The following MTARC2 variants were observed in gnomAD, a reference collection of about 807,000 sequenced individuals.
MTARC2 encodes the protein mitochondrial amidoxime reducing component 2, also known as MOCO sulphurase C-terminal domain containing 2.
MTARC2 carries 27 observed loss-of-function variants against 35.6 expected under a neutral mutation model. That is an observed-to-expected ratio of 0.76 (90% CI 0.56 to 1.04). The LOEUF is 1.04. MTARC2 is among the 50% of genes least tolerant of loss of function. The pLI is 0.00. For synonymous variants in MTARC2, 158 were observed against 167.1 expected, an observed-to-expected ratio of 0.95 and a Z score of 0.42; for missense variants, 412 against 432.5, an observed-to-expected ratio of 0.95 and a Z score of 0.42.
intron 7 of MTARC2, 98 bp from the exon 8 acceptor site, chr1:220,783,821 G>A: frequency 1.4e-6 from 1 of 713,142 alleles, no homozygotes; most frequent in South Asian, 1.5e-5. Flanking sequence ...ACATTTATAT[G>A]TGTAACCTCA....
intron 2 of MTARC2, among the ~76,000 whole-genome samples, chr1:220,759,927 G>A (rs1572297694): frequency 6.6e-6 from 1 of 152,260 alleles, no homozygotes; most frequent in East Asian, 1.9e-4. Context: ...AGGGTACACA[G>A]GGGTTCATCT....
chr1:220,763,435 C>A (rs1671496167), intron 4 of MTARC2, among the ~76,000 whole-genome samples: 1 of 152,180 alleles, frequency 6.6e-6, no homozygotes, highest in South Asian at 2.1e-4. Flanking sequence ...TTTCAGAAGA[C>A]CCATGCCCCA....
intron 4 of MTARC2, among the ~76,000 whole-genome samples, chr1:220,773,340 G>T (rs770252142): frequency 1.3e-5 from 2 of 152,162 alleles, no homozygotes; most frequent in Non-Finnish European, 2.9e-5. Context: ...ACCCGGAGAG[G>T]GCATGAAAAC....
At chr1:220,778,324 G>A (rs1057429666) in intron 4 of MTARC2, among the ~76,000 whole-genome samples, 10 of 151,956 alleles carry the variant, frequency 6.6e-5, no homozygotes, top group African/African-American at 2.2e-4. Context: ...GATGCATAGC[G>A]GCTTCTGCTT....
At chr1:220,775,392 C>G (rs972459147) in intron 4 of MTARC2, among the ~76,000 whole-genome samples, 2 of 152,128 alleles carry the variant, frequency 1.3e-5, no homozygotes, top group Non-Finnish European at 2.9e-5. Context: ...AAGTAAATGT[C>G]ATTGGGGCCT....
chr1:220,770,061 C>T (rs970285813), intron 4 of MTARC2, among the ~76,000 whole-genome samples: 2 of 151,516 alleles, frequency 1.3e-5, no homozygotes, highest in African/African-American at 2.4e-5. Flanking sequence ...GAGCCGAGAT[C>T]GCGCCACTAC....
Position 220,748,857 on chromosome 1 carries a change from G to GC in MTARC2, c.272+54_272+55insC, listed in dbSNP as rs138903778. On this transcript the variant is annotated intron_variant, in intron 1 of 7. Transcript: ENST00000366913. ...GCGGAGCCTGCCTGGGATGAGGAGC[G>GC]GGGGGGCAGGTGGGGCCCGATCTAT... is the stretch of plus-strand genomic sequence containing the variant. The GC allele has an allele frequency of 1.3e-5, 19 of 1,430,270 alleles. No homozygotes were observed. In the African/African-American group the frequency reaches 2.7e-4, roughly 20 times the overall value. The allele number at this position is 1,430,270 out of a possible 1,614,324, so 88.6% of individuals were successfully genotyped here. A position where few individuals can be genotyped will look rare whatever the true frequency, so the allele number is the denominator to read the frequency against.
At chr1:220,782,031 A>T (rs977903322) in intron 7 of MTARC2, 99 bp downstream of exon 7, 1 of 1,037,322 alleles carries the variant, frequency 9.6e-7, no homozygotes, top group South Asian at 1.9e-5. Flanking sequence ...AATTCTTGAG[A>T]GAATGAACAG....
At chr1:220,775,259 C>A (rs1414988812) in intron 4 of MTARC2, among the ~76,000 whole-genome samples, 1 of 149,984 alleles carries the variant, frequency 6.7e-6, no homozygotes, top group African/African-American at 2.4e-5. Context: ...CATAGCAAAT[C>A]CTCAGGATTA....
intron 4 of MTARC2, among the ~76,000 whole-genome samples, chr1:220,765,925 A>G (rs1671565819): frequency 6.6e-6 from 1 of 152,138 alleles, no homozygotes; most frequent in Non-Finnish European, 1.5e-5. Context: ...CCCTACCTGA[A>G]ACCTACATGA....
intron 1 of MTARC2, among the ~76,000 whole-genome samples, chr1:220,751,744 T>A (rs1466301781): frequency 6.6e-6 from 1 of 152,204 alleles, no homozygotes; most frequent in African/African-American, 2.4e-5. Flanking sequence ...GCTTCTACAC[T>A]GATCCCTCTA....
At chr1:220,755,166 C>T in intron 2 of MTARC2, 46 bp downstream of exon 2, 1 of 1,524,908 alleles carries the variant, frequency 6.6e-7, no homozygotes. Flanking sequence ...GGCTTGGTTT[C>T]TCTTCAGGCT....
chr1:220,762,798 C>T lies in MTARC2; in HGVS notation c.610-112C>T. 5 of 1,125,450 alleles carry T rather than the reference C, an allele frequency of 4.4e-6. No individual in the cohort carries two copies. In the Admixed American group the frequency reaches 6.4e-5, roughly 14 times the overall value. The allele number at this position is 1,125,450 out of a possible 1,614,324, so 69.7% of individuals were successfully genotyped here. A position where few individuals can be genotyped will look rare whatever the true frequency, so the allele number is the denominator to read the frequency against. The stretch of plus-strand genomic sequence containing the variant: ...ACATCTCTCTCCTTCCTGAACACTG[C>T]TCCCCTCTTCTGCACTGAAGAGGTT... On this transcript the variant is annotated intron_variant, in intron 3 of 7. Coordinates refer to ENST00000366913, the MANE Select transcript of MTARC2 (RefSeq NM_017898.5).
At chr1:220,781,666 ATTCTT>A (rs1672074440) in intron 6 of MTARC2, 107 bp from the exon 7 acceptor site, 2 of 1,109,328 alleles carry the variant, frequency 1.8e-6, no homozygotes, top group Non-Finnish European at 2.6e-6. Flanking sequence ...ATTTTAGAAA[ATTCTT>A]GCTGTGTATT....
intron 4 of MTARC2, chr1:220,779,814 G>C: frequency 2.3e-6 from 1 of 433,656 alleles, no homozygotes; most frequent in East Asian, 4.2e-5. Context: ...TGGAATCAGG[G>C]TTTTGAGACT....
At chr1:220,770,063 C>T (rs1241487672) in intron 4 of MTARC2, among the ~76,000 whole-genome samples, 1 of 151,754 alleles carries the variant, frequency 6.6e-6, no homozygotes, top group African/African-American at 2.4e-5. Context: ...GCCGAGATCG[C>T]GCCACTACAC....
intron 2 of MTARC2, among the ~76,000 whole-genome samples, chr1:220,761,115 T>C (rs1671424802): frequency 6.6e-6 from 1 of 152,230 alleles, no homozygotes; most frequent in African/African-American, 2.4e-5. Flanking sequence ...GCCGCTGTGT[T>C]ATCTAAAGTT....
intron 6 of MTARC2, among the ~76,000 whole-genome samples, 200 bp downstream of exon 6, chr1:220,780,439 G>T (rs893355983): frequency 6.7e-6 from 1 of 149,248 alleles, no homozygotes; most frequent in African/African-American, 2.5e-5. Flanking sequence ...GGATCCTCTA[G>T]TGCTTTGGAT....
intron 1 of MTARC2, chr1:220,754,525 C>G: frequency 4.6e-6 from 2 of 436,800 alleles, no homozygotes; most frequent in South Asian, 1.6e-5. Flanking sequence ...CTTGGCCAAC[C>G]TCATCTTGTT....
Sources: gnomAD v4.1 joint callset for allele counts (sites outside exome capture counted in the v4.1 genomes callset) on GRCh38, gnomAD v4.1.1 for gene constraint, MANE v1.5 for transcripts, NCBI Gene and HGNC (gene_info 2026-07-23, HGNC 2026-07-21) for gene names.